The following MYO1H variants were observed in gnomAD, a reference collection of about 807,000 sequenced individuals.
MYO1H encodes the protein unconventional myosin-Ih.
A neutral mutation model predicts 149.3 loss-of-function variants in MYO1H; 118 were observed. The ratio of observed to expected loss-of-function variants is 0.79; its 90% CI spans 0.68 to 0.92. The LOEUF is 0.92. MYO1H is among the 40% of genes least tolerant of loss of function. The pLI is 0.00. For missense variants in MYO1H, 1,212 were observed against 1,280.7 expected, an observed-to-expected ratio of 0.95 and a Z score of 0.82; for synonymous variants, 447 against 465.2, an observed-to-expected ratio of 0.96 and a Z score of 0.50.
At chr12:109,389,604 C>T (rs1193133134) in intron 2 of MYO1H, among the ~76,000 whole-genome samples, 1 of 152,186 alleles carries the variant, frequency 6.6e-6, no homozygotes, top group East Asian at 1.9e-4. Context: ...GATCTTGTCA[C>T]ATCTAGTTTT....
At chr12:109,447,126 A>T in intron 31 of MYO1H, 33 bp from the exon 32 acceptor site, 1 of 1,586,574 alleles carries the variant, frequency 6.3e-7, no homozygotes, top group Non-Finnish European at 8.6e-7. Context: ...GGAGCGGGGA[A>T]GGGCTGTAAA....
chr12:109,329,034 T>C, the MYO1H span, among the ~76,000 whole-genome samples: 3 of 68,096 alleles, frequency 4.4e-5, no homozygotes, highest in African/African-American at 2.5e-4. Context: ...CTTTTTTTTC[T>C]TTTTTTTTTT....
intron 1 of MYO1H, among the ~76,000 whole-genome samples, chr12:109,382,355 A>G (rs1490360020): frequency 6.6e-6 from 1 of 152,198 alleles, no homozygotes; most frequent in Non-Finnish European, 1.5e-5. Context: ...AAATTCTACA[A>G]GACAGATTGT....
At chr12:109,346,991 T>C (rs962571219), upstream of MYO1H, among the ~76,000 whole-genome samples, 2 of 152,138 alleles carry the variant, frequency 1.3e-5, no homozygotes, top group African/African-American at 4.8e-5. Context: ...TTGTCAGGGC[T>C]TGTGTTAGGG....
chr12:109,393,918 C>CTATAGTGCCA (rs145726935), intron 3 of MYO1H, among the ~76,000 whole-genome samples: 8,622 of 152,084 alleles, frequency 0.057, 797 homozygotes, highest in African/African-American at 0.2. Flanking sequence ...AAGAGGGTTG[C>CTATAGTGCCA]TATAGTGCCA....
intron 9 of MYO1H, 85 bp from the exon 10 acceptor site, chr12:109,407,709 T>C: frequency 7.0e-7 from 1 of 1,428,614 alleles, no homozygotes; most frequent in Non-Finnish European, 9.4e-7. Context: ...TTATTTTATT[T>C]TTTTTTTAAG....
At chr12:109,422,275 T>C (rs1238289778) in intron 16 of MYO1H, among the ~76,000 whole-genome samples, 1 of 152,246 alleles carries the variant, frequency 6.6e-6, no homozygotes, top group African/African-American at 2.4e-5. Flanking sequence ...GTGTTTTTTC[T>C]GCCTTCCCAA....
the MYO1H span, among the ~76,000 whole-genome samples, chr12:109,341,093 CAGG>C: frequency 6.7e-6 from 1 of 149,760 alleles, no homozygotes; most frequent in Non-Finnish European, 1.5e-5. Context: ...GAGGCTGAGG[CAGG>C]AGAATTGCTT....
At chr12:109,361,278 A>G (rs1868740655) in intron 1 of MYO1H, among the ~76,000 whole-genome samples, 1 of 152,196 alleles carries the variant, frequency 6.6e-6, no homozygotes, top group South Asian at 2.1e-4. Context: ...CCAGGTAAAG[A>G]CATAGAAGGT....
intron 1 of MYO1H, among the ~76,000 whole-genome samples, chr12:109,351,296 G>A (rs1868455823): frequency 6.6e-6 from 1 of 152,036 alleles, no homozygotes; most frequent in Non-Finnish European, 1.5e-5. Context: ...AAACTCTTAT[G>A]CCAGGTAAAA....
At chr12:109,406,402 G>T (rs993470694) in intron 8 of MYO1H, among the ~76,000 whole-genome samples, 1 of 137,718 alleles carries the variant, frequency 7.3e-6, no homozygotes, top group Admixed American at 8.3e-5. Context: ...GAAATTCAAG[G>T]CTGCAGTGAG....
the MYO1H span, among the ~76,000 whole-genome samples, chr12:109,326,188 C>A: frequency 2.6e-5 from 4 of 152,332 alleles, no homozygotes; most frequent in Non-Finnish European, 4.4e-5. Flanking sequence ...TCCAGGCATC[C>A]TCCTCATCCA....
chr12:109,360,284 AG>A lies in MYO1H; in HGVS notation c.12+12313del, dbSNP rs1205816683. On this transcript the variant is annotated intron_variant, in intron 1 of 31. Transcript: ENST00000310903. Reference sequence around the variant, plus strand: ...GTCTCTCTAAATACTGAGACCCTTGAGTTTGTGTACCAGCTCTAATCGGTTT... The same window carrying A: ...GTCTCTCTAAATACTGAGACCCTTGATTTGTGTACCAGCTCTAATCGGTTT... Among the ~76,000 whole-genome samples the A allele has an allele frequency of 3.9e-5, 6 of 152,172 alleles. No individual in the cohort carries two copies. The South Asian group carries it at 1.2e-3, about 32-fold the overall frequency.
At chr12:109,436,857 G>A (rs1871880957) in intron 22 of MYO1H, among the ~76,000 whole-genome samples, 1 of 152,112 alleles carries the variant, frequency 6.6e-6, no homozygotes, top group Admixed American at 6.5e-5. Flanking sequence ...GGGAGGCTGA[G>A]GCGCGTGGAT....
rs985230976 is a variant in MYO1H, at chr12:109,447,057, C to T, written c.3094-102C>T. ...GTGGCACTGGCTTCTCACAGGCCCT[C>T]CACACCCACCTTGCTAATGGTGACA... On this transcript the variant is annotated intron_variant, in intron 31 of 31. Transcript: ENST00000310903. The T allele has an allele frequency of 5.7e-5, 71 of 1,244,512 alleles. No homozygotes were observed. In the Middle Eastern group the frequency reaches 1.3e-3, roughly 23 times the overall value. The allele number at this position is 1,244,512 out of a possible 1,614,324, so 77.1% of individuals were successfully genotyped here. A position where few individuals can be genotyped will look rare whatever the true frequency, so the allele number is the denominator to read the frequency against.
chr12:109,326,799 A>G, the MYO1H span, among the ~76,000 whole-genome samples: 1 of 151,920 alleles, frequency 6.6e-6, no homozygotes, highest in Non-Finnish European at 1.5e-5. Context: ...GATTACAGGC[A>G]TGTGCCACCA....
At chr12:109,353,903 C>T (rs1356167023) in intron 1 of MYO1H, among the ~76,000 whole-genome samples, 2 of 152,202 alleles carry the variant, frequency 1.3e-5, no homozygotes, top group South Asian at 2.1e-4. Context: ...GTGATCTGCC[C>T]GCCTCAGCCC....
At chr12:109,370,598 G>A (rs746339561) in intron 1 of MYO1H, among the ~76,000 whole-genome samples, 5 of 152,192 alleles carry the variant, frequency 3.3e-5, no homozygotes, top group South Asian at 4.1e-4. Flanking sequence ...TCAATAAATA[G>A]AAAGGGCTAC....
At chr12:109,336,545 C>G in the MYO1H span, among the ~76,000 whole-genome samples, 1 of 152,184 alleles carries the variant, frequency 6.6e-6, no homozygotes, top group Non-Finnish European at 1.5e-5. Flanking sequence ...GGCAGATTCT[C>G]TCCTTAAGGT....
Sources: gnomAD v4.1 joint callset for allele counts (sites outside exome capture counted in the v4.1 genomes callset) on GRCh38, gnomAD v4.1.1 for gene constraint, MANE v1.5 for transcripts, NCBI Gene and HGNC (gene_info 2026-07-23, HGNC 2026-07-21) for gene names.